VPS13D: variants seen among roughly 807,000 people sequenced by gnomAD.
VPS13D encodes intermembrane lipid transfer protein VPS13D.
VPS13D carries 187 observed loss-of-function variants against 461.9 expected under a neutral mutation model. The observed-to-expected ratio is 0.40, with a 90% confidence interval of 0.36 to 0.46. VPS13D has a LOEUF of 0.46. Among genes scored for constraint, VPS13D ranks in the 20% least tolerant of loss-of-function variants. The probability of loss-of-function intolerance (pLI) is 0.60; values close to 1 mark genes in which losing one functional copy is unlikely to be tolerated. For missense variants in VPS13D, 4,711 were observed against 5,364.9 expected (o/e 0.88, Z 3.81); for synonymous variants, 1,951 against 1,986.3 (o/e 0.98, Z 0.47).
At chr1:12,447,189 T>G (rs1158545709) in intron 65 of VPS13D, among the ~76,000 whole-genome samples, 1 of 152,216 alleles carries the variant, frequency 6.6e-6, no homozygotes, top group African/African-American at 2.4e-5. Flanking sequence ...AAAAGAGATA[T>G]GCCTGATATC....
At chr1:12,301,566 C>T (rs1028386100) in intron 25 of VPS13D, among the ~76,000 whole-genome samples, 6 of 152,186 alleles carry the variant, frequency 3.9e-5, no homozygotes, top group Non-Finnish European at 7.4e-5. Flanking sequence ...TCCTGGACTG[C>T]GGATGTATTC....
At position 12,322,676 on chromosome 1, in the gene VPS13D, C is replaced by T; in HGVS notation, c.7845C>T (p.Tyr2615=). Residue 2615 remains tyrosine (Y), a synonymous_variant, in exon 34 of 70, where the codon TAC becomes TAT. Transcript: ENST00000620676. Reference sequence around the variant, plus strand: ...TGGAGTCAGACTCCGTTGGCACTTACCTTCCAGGTGCATCTCGCGTTGGAG... The same window carrying T: ...TGGAGTCAGACTCCGTTGGCACTTATCTTCCAGGTGCATCTCGCGTTGGAG... ...VALESDSVGT[Y]LPGASRVGEE... 1.9e-6 allele frequency: 3 copies of T among 1,614,212 alleles called. No individual in the cohort carries two copies. Among genetic ancestry groups the T allele is most frequent in the African/African-American group, 1.3e-5 (1 of 75,042 alleles).
In VPS13D at chr1:12,322,736, T is replaced by C; in HGVS notation, c.7905T>C (p.Asp2635=). 1.2e-6 allele frequency: 2 copies of C among 1,614,026 alleles called. No homozygotes were observed. The highest frequency in any genetic ancestry group is 2.2e-5 in the South Asian group (2 of 91,076). The change falls in exon 34 of 70, where the codon GAT becomes GAC. Residue 2635 remains aspartate, a synonymous_variant. Coordinates refer to ENST00000620676, the MANE Select transcript of VPS13D (RefSeq NM_015378.4). ...EIREGTRHTL[D]PVLELQLARL... is the part of the protein sequence containing the mutation. The stretch of plus-strand genomic sequence containing the variant: ...GAGAAGGGACAAGACACACCTTAGA[T>C]CCTGTCTTGGGTAGGTGTTTAACTA...
chr1:12,267,620 G>A (rs939303637), intron 14 of VPS13D, among the ~76,000 whole-genome samples: 1 of 152,128 alleles, frequency 6.6e-6, no homozygotes, highest in Non-Finnish European at 1.5e-5. Context: ...TAAATGTGCC[G>A]AGTGCAAAGT....
intron 68 of VPS13D, among the ~76,000 whole-genome samples, chr1:12,503,097 C>G (rs1040553405): frequency 1.3e-5 from 2 of 152,162 alleles, no homozygotes; most frequent in Non-Finnish European, 2.9e-5. Flanking sequence ...TTGATGCTAC[C>G]ATGGCTGCTG....
At chr1:12,311,343 C>A in intron 27 of VPS13D, 111 bp from the exon 28 acceptor site, 1 of 950,634 alleles carries the variant, frequency 1.1e-6, no homozygotes. Context: ...GTAGGAATTA[C>A]CTACTTGATA....
chr1:12,449,092 G>A (rs528759453), intron 65 of VPS13D, among the ~76,000 whole-genome samples: 3 of 152,040 alleles, frequency 2.0e-5, no homozygotes, highest in African/African-American at 7.2e-5. Flanking sequence ...GCAACATGGT[G>A]TGCATCTTAG....
intron 46 of VPS13D, among the ~76,000 whole-genome samples, chr1:12,351,081 A>C (rs541985035): frequency 6.6e-6 from 1 of 152,242 alleles, no homozygotes. Flanking sequence ...ATAGGCCCAT[A>C]TAACATTACT....
At chr1:12,466,244 T>C (rs1388662837) in intron 67 of VPS13D, among the ~76,000 whole-genome samples, 1 of 152,172 alleles carries the variant, frequency 6.6e-6, no homozygotes, top group African/African-American at 2.4e-5. Flanking sequence ...GAGCAGCCAT[T>C]TCTTATACTT....
chr1:12,335,878 G>A lies in VPS13D; in HGVS notation c.8551+51G>A, dbSNP rs753833066. The A allele has an allele frequency of 6.2e-6, 10 of 1,609,558 alleles. No individual in the cohort carries two copies. In the African/African-American group the frequency reaches 1.2e-4, roughly 19 times the overall value. On this transcript the variant is annotated intron_variant, in intron 39 of 69. Transcript: ENST00000620676. ...AACTAAATCACTTTTGACCTACAAA[G>A]CAATGCTTCACTGAGAAATTCAAAT...
chr1:12,464,044 G>A (rs547136766), intron 67 of VPS13D, among the ~76,000 whole-genome samples: 2 of 152,316 alleles, frequency 1.3e-5, no homozygotes, highest in African/African-American at 4.8e-5. Context: ...GTGGAGAAAT[G>A]TTTCAGTGCC....
intron 30 of VPS13D, among the ~76,000 whole-genome samples, chr1:12,315,135 T>A (rs560074737): frequency 2.6e-5 from 4 of 152,244 alleles, no homozygotes; most frequent in Non-Finnish European, 5.9e-5. Flanking sequence ...TAAAGAAGTC[T>A]TTCAGTGAAA....
At chr1:12,335,242 T>C (rs1053740809) in intron 38 of VPS13D, among the ~76,000 whole-genome samples, 3 of 152,184 alleles carry the variant, frequency 2.0e-5, no homozygotes, top group Non-Finnish European at 4.4e-5. Context: ...AAGTTTTGTA[T>C]TTTTAGTAGA....
chr1:12,379,603 C>A lies in VPS13D; in HGVS notation c.11190+7C>A. On this transcript the variant is annotated splice_region_variant and intron_variant, in intron 57 of 69. Coordinates refer to ENST00000620676, the MANE Select transcript of VPS13D (RefSeq NM_015378.4). ...ACATGGGTTGGTCGTCCAGGTCAGT[C>A]GTTTTTGATCCCCAATTGCAGCAAG... 1.9e-6 allele frequency: 3 copies of A among 1,607,076 alleles called. No homozygotes were observed. The South Asian group carries it at 3.3e-5, about 18-fold the overall frequency.
chr1:12,497,286 A>T (rs979456721), intron 67 of VPS13D: 2 of 411,740 alleles, frequency 4.9e-6, no homozygotes, highest in Non-Finnish European at 8.2e-6. Flanking sequence ...CCATGATCAC[A>T]TGGCCAGAAA....
rs1442858480 is a variant in VPS13D, at chr1:12,361,402, TA to T, written c.10142-1317del. Among the ~76,000 whole-genome samples the T allele has an allele frequency of 1.2e-3, 175 of 144,758 alleles. 1 individual carries two copies. The highest frequency in any genetic ancestry group is 2.0e-3 in the Non-Finnish European group (132 of 66,282). 95.0% of individuals were successfully genotyped at this position (144,758 alleles called of 152,430 possible). A position where few individuals can be genotyped will look rare whatever the true frequency, so the allele number is the denominator to read the frequency against. ...TTATTTATTTATTTATTTATTTATT[TA>T]TTTTTTTTTTGAGACGGAGTCTCGC... is the stretch of plus-strand genomic sequence containing the variant. On this transcript the variant is annotated intron_variant, in intron 50 of 69. Coordinates refer to ENST00000620676, the MANE Select transcript of VPS13D (RefSeq NM_015378.4).
rs1213339097 is a variant in VPS13D at position 12,382,079 on chromosome 1, TTTTC to T, written c.11191-885_11191-882del. ...CCCTTTCTTCTCTCTCTTTCTTTCT[TTTTC>T]TTTCTTTCTTTTTCCTTTTCCTCTT... On this transcript the variant is annotated intron_variant, in intron 57 of 69. Transcript: ENST00000620676. Among the ~76,000 whole-genome samples, 13 of 150,988 alleles carry T rather than the reference TTTTC, an allele frequency of 8.6e-5. No individual in the cohort carries two copies. In the South Asian group the frequency reaches 2.1e-3, roughly 24 times the overall value.
At chr1:12,452,844 A>G (rs1314827936) in intron 65 of VPS13D, among the ~76,000 whole-genome samples, 3 of 152,244 alleles carry the variant, frequency 2.0e-5, no homozygotes, top group Non-Finnish European at 4.4e-5. Context: ...CTGTATTTCT[A>G]GGGGTGAAGA....
At chr1:12,313,289 T>TTATTC (rs2101504299) in intron 29 of VPS13D, among the ~76,000 whole-genome samples, 1 of 150,068 alleles carries the variant, frequency 6.7e-6, no homozygotes, top group East Asian at 1.9e-4. Flanking sequence ...GCTAGCAATT[T>TTATTC]TATTCTTTCC....
Sources: gnomAD v4.1 joint callset for allele counts (sites outside exome capture counted in the v4.1 genomes callset) on GRCh38, gnomAD v4.1.1 for gene constraint, MANE v1.5 for transcripts, NCBI Gene and HGNC (gene_info 2026-07-23, HGNC 2026-07-21) for gene names.